The following CCNY variants were observed in gnomAD, a reference collection of about 807,000 sequenced individuals.
CCNY encodes the protein cyclin Y, also known as cyclin-Y.
CCNY carries 19 observed loss-of-function variants against 42.8 expected under a neutral mutation model. The ratio of observed to expected loss-of-function variants is 0.44; its 90% CI spans 0.31 to 0.65. The LOEUF is 0.65. Among genes scored for constraint, CCNY ranks in the 30% least tolerant of loss-of-function variants. CCNY has a pLI of 0.07. For missense variants in CCNY, 370 were observed against 437.3 expected, an observed-to-expected ratio of 0.85 and a Z score of 1.37; for synonymous variants, 165 against 162.7, an observed-to-expected ratio of 1.01 and a Z score of -0.11.
chr10:35,375,607 A>C (rs961128672), intron 1 of CCNY, among the ~76,000 whole-genome samples: 1 of 152,156 alleles, frequency 6.6e-6, no homozygotes, highest in African/African-American at 2.4e-5. Context: ...GTTCAGGAAA[A>C]CTGTTCTCTC....
Position 35,366,592 on chromosome 10 carries a change from C to G in CCNY, c.154+29385C>G, listed in dbSNP as rs189148821. Among the ~76,000 whole-genome samples the G allele has an allele frequency of 1.4e-3, 208 of 152,328 alleles. 1 individual carries two copies. Among genetic ancestry groups the G allele is most frequent in the Middle Eastern group, 0.014 (4 of 294 alleles). On this transcript the variant is annotated intron_variant, in intron 1 of 9. Transcript: ENST00000374704. Reference sequence around the variant, plus strand: ...TTTTTCAGCAGTTGCTTTCCCTAGGCCCATGCTGTAGCTGAGTGTGGACAT... The same window carrying G: ...TTTTTCAGCAGTTGCTTTCCCTAGGGCCATGCTGTAGCTGAGTGTGGACAT...
chr10:35,368,949 A>G (rs967726410), intron 1 of CCNY, among the ~76,000 whole-genome samples: 2 of 152,194 alleles, frequency 1.3e-5, no homozygotes, highest in Non-Finnish European at 2.9e-5. Context: ...AGATCTTATC[A>G]CTATTTGGCT....
Position 35,483,478 on chromosome 10 carries a change from G to T in CCNY, c.229G>T (p.Val77Leu). 1 of 1,578,756 alleles carries T rather than the reference G, an allele frequency of 6.3e-7. No homozygotes were observed. Among genetic ancestry groups the T allele is most frequent in the Non-Finnish European group, 8.7e-7 (1 of 1,150,606 alleles). ...TIFLSKSQTD[V>L]REKRKSLFIN... is the part of the protein sequence containing the mutation. The stretch of plus-strand genomic sequence containing the variant: ...ATTCCTCAGTAAATCTCAGACGGAC[G>T]GTAGGTCCTTAATTTATGTTTCTTT... The change falls in exon 2 of 10, where the codon GTG becomes TTG. Residue 77 changes from valine to leucine, a missense_variant and splice_region_variant. Around this residue, in one of 2 missense-constraint regions of CCNY, gnomAD observed 136 missense variants for 124.2 expected, o/e 1.09. Coordinates refer to ENST00000374704, the MANE Select transcript of CCNY (RefSeq NM_145012.6).
intron 1 of CCNY, among the ~76,000 whole-genome samples, chr10:35,340,608 A>G (rs926681332): frequency 4.6e-5 from 7 of 151,222 alleles, no homozygotes; most frequent in African/African-American, 1.7e-4. Flanking sequence ...GGGTTCAAGC[A>G]GTTCTCCTGC....
intron 1 of CCNY, among the ~76,000 whole-genome samples, chr10:35,345,363 G>A (rs1190701583): frequency 6.6e-6 from 1 of 151,950 alleles, no homozygotes; most frequent in Admixed American, 6.5e-5. Context: ...CAGCTACTCA[G>A]GAGGCTGAGG....
intron 3 of CCNY, among the ~76,000 whole-genome samples, chr10:35,283,815 G>A (rs1261475698): frequency 1.3e-5 from 2 of 152,182 alleles, no homozygotes; most frequent in Non-Finnish European, 2.9e-5. Context: ...CGGGCGAGGT[G>A]TCTCAGGCCT....
At chr10:35,543,995 C>T (rs1841059011) in intron 7 of CCNY, among the ~76,000 whole-genome samples, 1 of 152,144 alleles carries the variant, frequency 6.6e-6, no homozygotes, top group Non-Finnish European at 1.5e-5. Context: ...TATTTTTGTA[C>T]AGCTGTATGA....
chr10:35,279,417 C>G (rs1835275019), intron 3 of CCNY, among the ~76,000 whole-genome samples: 1 of 152,114 alleles, frequency 6.6e-6, no homozygotes, highest in Admixed American at 6.6e-5. Flanking sequence ...CCTGGTCATG[C>G]CTTCAATCAT....
chr10:35,557,805 C>T (rs1217430999), intron 8 of CCNY, among the ~76,000 whole-genome samples: 1 of 152,010 alleles, frequency 6.6e-6, no homozygotes, highest in Non-Finnish European at 1.5e-5. Context: ...AAAAGTAAAA[C>T]CTTATGGGAA....
chr10:35,493,034 C>T (rs1564433168), intron 2 of CCNY, among the ~76,000 whole-genome samples: 1 of 152,090 alleles, frequency 6.6e-6, no homozygotes, highest in Non-Finnish European at 1.5e-5. Flanking sequence ...GGCCAGGCCT[C>T]GCCCTGTAAG....
chr10:35,526,054 TC>T, intron 5 of CCNY, 55 bp downstream of exon 5: 1 of 1,471,436 alleles, frequency 6.8e-7, no homozygotes, highest in South Asian at 1.2e-5. Context: ...GTTATGTTGT[TC>T]CTATTTTTTC....
At chr10:35,368,195 TA>T (rs1174519561) in intron 1 of CCNY, among the ~76,000 whole-genome samples, 119 of 152,320 alleles carry the variant, frequency 7.8e-4, no homozygotes, top group Middle Eastern at 3.4e-3. Flanking sequence ...AGACCTGGCA[TA>T]ATGTGTGCTT....
At chr10:35,502,206 A>G (rs1840124777) in intron 3 of CCNY, among the ~76,000 whole-genome samples, 1 of 152,184 alleles carries the variant, frequency 6.6e-6, no homozygotes, top group Non-Finnish European at 1.5e-5. Context: ...CCTATATACC[A>G]GGCAAGTCCT....
In CCNY at chr10:35,413,765, A is replaced by G. The variant is rs1268844450; in HGVS notation, c.155-69639A>G. Among the ~76,000 whole-genome samples the G allele has an allele frequency of 2.6e-5, 4 of 152,202 alleles. No individual in the cohort carries two copies. The East Asian group carries it at 7.7e-4, about 29-fold the overall frequency. On this transcript the variant is annotated intron_variant, in intron 1 of 9. Transcript: ENST00000374704. Reference sequence around the variant, plus strand: ...AAGCTCAGGGCCCAGCACCATGGCTATGGGAATATCGGGAGTTGAGGAAGA... The same window carrying G: ...AAGCTCAGGGCCCAGCACCATGGCTGTGGGAATATCGGGAGTTGAGGAAGA...
chr10:35,362,690 C>T (rs977193046), intron 1 of CCNY, among the ~76,000 whole-genome samples: 2 of 152,262 alleles, frequency 1.3e-5, no homozygotes, highest in Non-Finnish European at 2.9e-5. Context: ...TGTCACTTCA[C>T]ACTTGGAGGG....
At chr10:35,441,924 A>T (rs1320557844) in intron 1 of CCNY, among the ~76,000 whole-genome samples, 1 of 152,250 alleles carries the variant, frequency 6.6e-6, no homozygotes, top group African/African-American at 2.4e-5. Flanking sequence ...TGGCTGTATG[A>T]TTTAAAATGA....
chr10:35,473,402 C>G (rs1839431015), intron 1 of CCNY, among the ~76,000 whole-genome samples: 1 of 152,058 alleles, frequency 6.6e-6, no homozygotes, highest in Non-Finnish European at 1.5e-5. Context: ...TTTATAAGTT[C>G]TTCTTCTTCT....
At chr10:35,334,030 A>C, upstream of CCNY, among the ~76,000 whole-genome samples, 1 of 123,880 alleles carries the variant, frequency 8.1e-6, no homozygotes, top group Non-Finnish European at 1.6e-5. Context: ...GTCAAAGAGG[A>C]GATAGGGAAA....
chr10:35,526,726 G>A (rs1564446353), intron 5 of CCNY, among the ~76,000 whole-genome samples: 1 of 150,162 alleles, frequency 6.7e-6, no homozygotes, highest in Non-Finnish European at 1.5e-5. Flanking sequence ...CATAACAGAT[G>A]AGTATAAAAT....
Sources: allele counts gnomAD v4.1 joint callset (sites outside exome capture counted in the v4.1 genomes callset), GRCh38; gene constraint gnomAD v4.1.1; regional missense constraint gnomAD v4.1.1; transcripts MANE v1.5; gene names NCBI Gene and HGNC (gene_info 2026-07-23, HGNC 2026-07-21).